MARCHF8: variants seen among roughly 807,000 people sequenced by gnomAD.
MARCHF8 encodes the protein E3 ubiquitin-protein ligase MARCHF8.
A neutral mutation model predicts 51.6 loss-of-function variants in MARCHF8; 40 were observed. That is an observed-to-expected ratio of 0.77 (90% CI 0.60 to 1.01). The LOEUF is 1.01. Among genes scored for constraint, MARCHF8 ranks in the 50% least tolerant of loss-of-function variants. The pLI is 0.00. For synonymous variants in MARCHF8, 263 were observed against 280.3 expected (o/e 0.94, Z 0.62); for missense variants, 685 against 708.6 (o/e 0.97, Z 0.38).
chr10:45,479,007 C>T (rs1392874488), intron 3 of MARCHF8, among the ~76,000 whole-genome samples: 2 of 152,204 alleles, frequency 1.3e-5, no homozygotes, highest in Non-Finnish European at 2.9e-5. Flanking sequence ...ACTAGACCAG[C>T]ATTATGCTGA....
At chr10:45,573,513 G>A (rs905408163) in intron 1 of MARCHF8, among the ~76,000 whole-genome samples, 2 of 152,110 alleles carry the variant, frequency 1.3e-5, no homozygotes, top group East Asian at 1.9e-4. Context: ...GCCACTGGGC[G>A]AAGGAATGCC....
intron 1 of MARCHF8, among the ~76,000 whole-genome samples, chr10:45,542,322 G>C (rs1448334238): frequency 7.3e-6 from 1 of 136,084 alleles, no homozygotes; most frequent in Non-Finnish European, 1.5e-5. Context: ...ACTCCAGCCT[G>C]GTGACAGAGC....
intron 3 of MARCHF8, among the ~76,000 whole-genome samples, chr10:45,465,318 C>T (rs762260656): frequency 4.4e-4 from 67 of 152,178 alleles, no homozygotes; most frequent in African/African-American, 1.1e-3. Flanking sequence ...AACAGTGCCA[C>T]GAGTCTGTTA....
intron 3 of MARCHF8, among the ~76,000 whole-genome samples, chr10:45,488,755 C>T (rs1030254154): frequency 3.9e-5 from 6 of 152,202 alleles, no homozygotes; most frequent in African/African-American, 1.4e-4. Flanking sequence ...CTCACTATCT[C>T]TTTTGCCTAA....
At chr10:45,524,706 C>T (rs1283880152) in intron 2 of MARCHF8, among the ~76,000 whole-genome samples, 1 of 152,094 alleles carries the variant, frequency 6.6e-6, no homozygotes, top group Non-Finnish European at 1.5e-5. Flanking sequence ...TTTTATCCTG[C>T]AGAATAAGAC....
chr10:45,471,812 C>T (rs2042696860), intron 3 of MARCHF8, among the ~76,000 whole-genome samples: 1 of 152,208 alleles, frequency 6.6e-6, no homozygotes, highest in Non-Finnish European at 1.5e-5. Flanking sequence ...AGAAATGCAG[C>T]ACACACCACT....
At chr10:45,557,286 G>A (rs555946918) in intron 1 of MARCHF8, among the ~76,000 whole-genome samples, 12 of 151,716 alleles carry the variant, frequency 7.9e-5, no homozygotes, top group South Asian at 6.2e-4. Context: ...GCGCCATCAC[G>A]CCTGGCTAAC....
At chr10:45,577,952 T>A (rs955085624) in intron 1 of MARCHF8, among the ~76,000 whole-genome samples, 2 of 152,120 alleles carry the variant, frequency 1.3e-5, no homozygotes, top group Middle Eastern at 3.4e-3. Context: ...AGCCCAGGAG[T>A]TCGAGGTTAC....
chr10:45,488,242 G>A (rs1395773203), intron 3 of MARCHF8, among the ~76,000 whole-genome samples: 1 of 152,140 alleles, frequency 6.6e-6, no homozygotes, highest in African/African-American at 2.4e-5. Context: ...GTTCTGGCCA[G>A]GGAGATGTAA....
intron 1 of MARCHF8, among the ~76,000 whole-genome samples, chr10:45,591,194 G>T (rs1005097629): frequency 2.6e-5 from 4 of 152,188 alleles, no homozygotes; most frequent in African/African-American, 9.7e-5. Context: ...CCTGCACCCA[G>T]GTGAAACAGA....
At chr10:45,591,260 G>C (rs986659394) in intron 1 of MARCHF8, among the ~76,000 whole-genome samples, 26 of 152,186 alleles carry the variant, frequency 1.7e-4, no homozygotes, top group African/African-American at 6.3e-4. Context: ...GGACGCCTGA[G>C]ACACAGACCA....
intron 1 of MARCHF8, among the ~76,000 whole-genome samples, chr10:45,589,673 C>T (rs536377358): frequency 6.6e-6 from 1 of 152,136 alleles, no homozygotes; most frequent in South Asian, 2.1e-4. Flanking sequence ...CAATGTGTTG[C>T]CTTTTGTGAC....
intron 3 of MARCHF8, among the ~76,000 whole-genome samples, chr10:45,466,681 G>A (rs1254157596): frequency 1.3e-5 from 2 of 152,160 alleles, no homozygotes; most frequent in African/African-American, 4.8e-5. Context: ...TGAAGGGAAG[G>A]CAAACCCTGT....
At chr10:45,541,807 A>T (rs1381192914) in intron 1 of MARCHF8, among the ~76,000 whole-genome samples, 1 of 152,142 alleles carries the variant, frequency 6.6e-6, no homozygotes, top group Non-Finnish European at 1.5e-5. Context: ...AATGTTTATG[A>T]ACATATTATT....
At chr10:45,536,477 GTTCACA>G (rs1435817227), upstream of MARCHF8, among the ~76,000 whole-genome samples, 1 of 151,726 alleles carries the variant, frequency 6.6e-6, no homozygotes, top group Non-Finnish European at 1.5e-5. Context: ...AGTCATAATG[GTTCACA>G]CCTATAATCC....
At chr10:45,544,754 C>A (rs2044099441) in intron 1 of MARCHF8, among the ~76,000 whole-genome samples, 1 of 152,158 alleles carries the variant, frequency 6.6e-6, no homozygotes, top group South Asian at 2.1e-4. Context: ...GGAAATGTCT[C>A]TAACTGGATT....
intron 1 of MARCHF8, among the ~76,000 whole-genome samples, chr10:45,574,122 C>T (rs1337248943): frequency 6.6e-6 from 1 of 152,000 alleles, no homozygotes; most frequent in African/African-American, 2.4e-5. Context: ...CTACTCCCTC[C>T]TTGGCAACCG....
At chr10:45,520,847 A>G (rs1425637561) in intron 2 of MARCHF8, among the ~76,000 whole-genome samples, 1 of 152,254 alleles carries the variant, frequency 6.6e-6, no homozygotes, top group Non-Finnish European at 1.5e-5. Flanking sequence ...AATATTTTCT[A>G]TGATTTGATA....
chr10:45,568,445 G>A (rs945705736), intron 1 of MARCHF8, among the ~76,000 whole-genome samples: 3 of 152,108 alleles, frequency 2.0e-5, no homozygotes, highest in African/African-American at 7.2e-5. Flanking sequence ...ACTAAGCCAG[G>A]TGCAGTGGCT....
Sources: allele counts gnomAD v4.1 joint callset (sites outside exome capture counted in the v4.1 genomes callset), GRCh38; gene constraint gnomAD v4.1.1; transcripts MANE v1.5; gene names NCBI Gene and HGNC (gene_info 2026-07-23, HGNC 2026-07-21).